GMPR: variants seen among roughly 807,000 people sequenced by gnomAD.
GMPR encodes the protein guanosine monophosphate reductase.
In GMPR, 31 loss-of-function variants were observed where a neutral mutation model predicts 38.4. That is an observed-to-expected ratio of 0.81 (90% CI 0.61 to 1.09). GMPR has a LOEUF of 1.09. Among genes scored for constraint, GMPR ranks in the 50% least tolerant of loss-of-function variants. GMPR has a pLI of 0.00. For missense variants in GMPR, 468 were observed against 453.7 expected (o/e 1.03, Z -0.29); for synonymous variants, 162 against 173.3 (o/e 0.93, Z 0.51).
chr6:16,276,822 G>A (rs1221829893), intron 5 of GMPR, among the ~76,000 whole-genome samples: 1 of 152,178 alleles, frequency 6.6e-6, no homozygotes. Context: ...CTGGGAACTG[G>A]GAAAAAGCAT....
chr6:16,243,511 C>A (rs1463691704), intron 1 of GMPR, among the ~76,000 whole-genome samples: 1 of 152,090 alleles, frequency 6.6e-6, no homozygotes. Context: ...TTTTAGCCAG[C>A]CATTAGTTTA....
At chr6:16,294,897 C>A in intron 8 of GMPR, 109 bp from the exon 9 acceptor site, 1 of 819,748 alleles carries the variant, frequency 1.2e-6, no homozygotes, top group Non-Finnish European at 1.9e-6. Flanking sequence ...GTCTGGTTTT[C>A]TGAGTGCCTT....
chr6:16,260,772 C>T (rs541644099), intron 4 of GMPR, among the ~76,000 whole-genome samples: 5 of 151,812 alleles, frequency 3.3e-5, no homozygotes, highest in South Asian at 4.2e-4. Flanking sequence ...GGGTGAGGAA[C>T]GGCAAAGAAG....
intron 2 of GMPR, among the ~76,000 whole-genome samples, chr6:16,247,343 C>T (rs922675907): frequency 2.0e-5 from 3 of 151,552 alleles, no homozygotes; most frequent in South Asian, 4.2e-4. Context: ...ATGTATCGAG[C>T]GCTTATGTAC....
At chr6:16,256,603 AT>A (rs1289993906) in intron 4 of GMPR, among the ~76,000 whole-genome samples, 7 of 152,072 alleles carry the variant, frequency 4.6e-5, no homozygotes, top group African/African-American at 1.7e-4. Context: ...GGGTTGGGAA[AT>A]AGAAAAATTC....
At chr6:16,261,687 C>T (rs1046820366) in intron 4 of GMPR, among the ~76,000 whole-genome samples, 8 of 151,820 alleles carry the variant, frequency 5.3e-5, no homozygotes, top group Admixed American at 6.6e-5. Flanking sequence ...CTGTAGCAGG[C>T]GAGTGATAAC....
chr6:16,285,327 C>T (rs1232472702), intron 6 of GMPR, among the ~76,000 whole-genome samples: 2 of 152,220 alleles, frequency 1.3e-5, no homozygotes, highest in Non-Finnish European at 2.9e-5. Context: ...CTTTTCTTGG[C>T]TCTTACAAGA....
At chr6:16,273,315 C>T (rs1322133847) in intron 4 of GMPR, among the ~76,000 whole-genome samples, 2 of 152,214 alleles carry the variant, frequency 1.3e-5, no homozygotes, top group Non-Finnish European at 2.9e-5. Context: ...ATTCATTTTG[C>T]AAAATATGAC....
intron 4 of GMPR, chr6:16,262,968 G>C (rs971259130): frequency 1.3e-5 from 2 of 152,078 alleles, no homozygotes; most frequent in African/African-American, 4.8e-5. Flanking sequence ...GTGTGAGGAG[G>C]GGAGGTGATA....
chr6:16,244,625 T>C (rs1235702108), intron 1 of GMPR, among the ~76,000 whole-genome samples: 1 of 152,166 alleles, frequency 6.6e-6, no homozygotes, highest in Admixed American at 6.5e-5. Context: ...TTTGTTACTT[T>C]ATGTTCCCTT....
chr6:16,275,019 C>T (rs1480752134), intron 5 of GMPR, among the ~76,000 whole-genome samples: 2 of 152,078 alleles, frequency 1.3e-5, no homozygotes, highest in African/African-American at 4.8e-5. Flanking sequence ...TGTTCTTCTC[C>T]CAGGCATGCT....
intron 4 of GMPR, chr6:16,259,122 G>C (rs1333588438): frequency 6.6e-6 from 1 of 152,122 alleles, no homozygotes; most frequent in Admixed American, 6.6e-5. Flanking sequence ...TCAGCGAAGG[G>C]AGATAGGGGT....
At chr6:16,288,890 G>A (rs1312972792) in intron 7 of GMPR, among the ~76,000 whole-genome samples, 2 of 152,150 alleles carry the variant, frequency 1.3e-5, no homozygotes, top group Non-Finnish European at 2.9e-5. Context: ...TAATCTGGTG[G>A]GGACGTGGAG....
chr6:16,289,539 G>A (rs1370514757), intron 7 of GMPR: 2 of 152,186 alleles, frequency 1.3e-5, no homozygotes, highest in African/African-American at 4.8e-5. Context: ...TCTGTCTCCT[G>A]TGCCTGTCCT....
intron 4 of GMPR, among the ~76,000 whole-genome samples, chr6:16,269,939 C>T (rs746111528): frequency 2.6e-5 from 4 of 152,200 alleles, no homozygotes; most frequent in East Asian, 3.9e-4. Context: ...TTCATTGTCA[C>T]CTCATGTGGA....
chr6:16,262,698 G>A (rs995348969), intron 4 of GMPR: 2 of 152,046 alleles, frequency 1.3e-5, no homozygotes, highest in Non-Finnish European at 2.9e-5. Flanking sequence ...GGGTAATAAA[G>A]TGTATTTTGA....
At chr6:16,256,675 T>C (rs932367487) in intron 4 of GMPR, among the ~76,000 whole-genome samples, 7 of 152,218 alleles carry the variant, frequency 4.6e-5, no homozygotes, top group Non-Finnish European at 8.8e-5. Context: ...GTTTGTTGAA[T>C]ACTGTTAAAT....
At chr6:16,279,050 G>A (rs766003177) in intron 6 of GMPR, among the ~76,000 whole-genome samples, 160 bp downstream of exon 6, 14 of 152,374 alleles carry the variant, frequency 9.2e-5, no homozygotes, top group Admixed American at 6.5e-4. Flanking sequence ...TGCTGCCCAC[G>A]GATTCCACAG....
At chr6:16,260,828 C>T (rs1186519754) in intron 4 of GMPR, among the ~76,000 whole-genome samples, 1 of 151,798 alleles carries the variant, frequency 6.6e-6, no homozygotes, top group Non-Finnish European at 1.5e-5. Context: ...CAGAGAGATA[C>T]AGTCATGGGG....
Sources: allele counts gnomAD v4.1 joint callset (sites outside exome capture counted in the v4.1 genomes callset), GRCh38; gene constraint gnomAD v4.1.1; transcripts MANE v1.5; gene names NCBI Gene and HGNC (gene_info 2026-07-23, HGNC 2026-07-21).